Variants in PCDHGB1 observed in about 807,000 individuals in gnomAD.
The protein encoded by PCDHGB1 is protocadherin gamma subfamily B, 1.
PCDHGB1 carries 34 observed loss-of-function variants against 56.6 expected under a neutral mutation model. That is an observed-to-expected ratio of 0.60 (90% CI 0.46 to 0.80). The LOEUF is 0.80. Among genes scored for constraint, PCDHGB1 ranks in the 30% least tolerant of loss-of-function variants. The pLI is 0.00. For synonymous variants in PCDHGB1, 561 were observed against 505.9 expected (o/e 1.11, Z -1.46); for missense variants, 1,278 against 1,204.6 (o/e 1.06, Z -0.90).
intron 1 of PCDHGB1, among the ~76,000 whole-genome samples, chr5:141,380,531 AT>A (rs543704325): frequency 5.7e-4 from 87 of 152,348 alleles, no homozygotes; most frequent in African/African-American, 2.0e-3. Flanking sequence ...AATGATTTCA[AT>A]TTGATACAAT....
intron 1 of PCDHGB1, chr5:141,365,865 G>A (rs1444429243): frequency 1.9e-6 from 3 of 1,614,056 alleles, no homozygotes; most frequent in Non-Finnish European, 2.5e-6. Context: ...TCTGACACCG[G>A]TGTCCTGTAT....
intron 1 of PCDHGB1, chr5:141,408,100 G>A (rs1474827605): frequency 9.7e-6 from 14 of 1,438,178 alleles, no homozygotes; most frequent in African/African-American, 1.4e-5. Context: ...CCAGCTCCGA[G>A]ACCCGGGACT....
chr5:141,477,705 G>A lies in PCDHGB1; in HGVS notation c.2410-17102G>A, dbSNP rs1285254654. On this transcript the variant is annotated intron_variant, in intron 1 of 3. Coordinates refer to ENST00000523390, the MANE Select transcript of PCDHGB1 (RefSeq NM_018922.3). The surrounding 1 kb of genome is among the most constrained non-coding windows in gnomAD (Gnocchi z 4.9). ...TTAGTGCCCCTAGACTATGAGGATCGGCGGGAATTTGAATTAACAGCTCAT... is the reference window on the plus strand; with the variant it reads ...TTAGTGCCCCTAGACTATGAGGATCAGCGGGAATTTGAATTAACAGCTCAT... The A allele has an allele frequency of 6.2e-7, 1 of 1,614,008 alleles. No homozygotes were observed. Among genetic ancestry groups the A allele is most frequent in the Non-Finnish European group, 8.5e-7 (1 of 1,180,048 alleles).
intron 1 of PCDHGB1, chr5:141,365,836 C>T: frequency 6.2e-7 from 1 of 1,613,976 alleles, no homozygotes; most frequent in Non-Finnish European, 8.5e-7. Flanking sequence ...CGCCCTTGTC[C>T]TCCTATGTAT....
rs1210499024 is a variant in PCDHGB1 at position 141,431,784 on chromosome 5, A to T, written c.2410-63023A>T. ...CTGATCACTGTTCTGGACGTGAACG[A>T]CAATGCCCCAGAAGTGGTCCTCACC... On this transcript the variant is annotated intron_variant, in intron 1 of 3. Transcript: ENST00000523390. This position sits in a 1 kb window ranked among gnomAD's most constrained non-coding sequence, Gnocchi z 4.8. The T allele has an allele frequency of 6.2e-7, 1 of 1,614,102 alleles. No homozygotes were observed. The highest frequency in any genetic ancestry group is 8.5e-7 in the Non-Finnish European group (1 of 1,180,030).
In PCDHGB1 at chr5:141,490,601, T is replaced by C. The variant is rs777393370; in HGVS notation, c.2410-4206T>C. 1 of 1,614,176 alleles carries C rather than the reference T, an allele frequency of 6.2e-7. No homozygotes were observed. The highest frequency in any genetic ancestry group is 8.5e-7 in the Non-Finnish European group (1 of 1,180,030). ...GATGTCAATGACAATGCACCCCGCTTCAACCAGCAGCTTTACACTGCTTAC... is the reference window on the plus strand; with the variant it reads ...GATGTCAATGACAATGCACCCCGCTCCAACCAGCAGCTTTACACTGCTTAC... On this transcript the variant is annotated intron_variant, in intron 1 of 3. Transcript: ENST00000523390. This position sits in a 1 kb window ranked among gnomAD's most constrained non-coding sequence, Gnocchi z 5.4.
chr5:141,383,655 C>T, intron 1 of PCDHGB1: 1 of 1,613,986 alleles, frequency 6.2e-7, no homozygotes, highest in East Asian at 2.2e-5. Context: ...TAACTGTCCC[C>T]GAGAATGTGC....
Position 141,491,676 on chromosome 5 carries a change from T to C in PCDHGB1, c.2410-3131T>C. On this transcript the variant is annotated intron_variant, in intron 1 of 3. Coordinates refer to ENST00000523390, the MANE Select transcript of PCDHGB1 (RefSeq NM_018922.3). The surrounding 1 kb of genome is among the most constrained non-coding windows in gnomAD (Gnocchi z 6.9). ...AGCCTGACGCCATCCGGTCCCGCTC[T>C]AATACGCTGCGGGAGCGGAGCCAGG... 3.1e-6 allele frequency: 5 copies of C among 1,613,546 alleles called. No individual in the cohort carries two copies. Among genetic ancestry groups the C allele is most frequent in the Non-Finnish European group, 4.2e-6 (5 of 1,179,848 alleles).
intron 1 of PCDHGB1, chr5:141,393,806 CA>C (rs1489692597): frequency 6.2e-7 from 1 of 1,613,866 alleles, no homozygotes; most frequent in Non-Finnish European, 8.5e-7. Context: ...TGGGGAGGAC[CA>C]AATTGCTCAT....
chr5:141,394,150 A>C (rs781168813), intron 1 of PCDHGB1: 2 of 1,613,798 alleles, frequency 1.2e-6, no homozygotes, highest in East Asian at 4.5e-5. Context: ...GCAGACATTA[A>C]CGACAACCCT....
At chr5:141,402,953 A>G in intron 1 of PCDHGB1, 3 of 1,597,298 alleles carry the variant, frequency 1.9e-6, no homozygotes, top group Middle Eastern at 1.7e-4. Context: ...CGAGGCAGCA[A>G]TGGCAGCTCC....
At chr5:141,499,057 A>G (rs1361057448) in intron 2 of PCDHGB1, among the ~76,000 whole-genome samples, 1 of 152,036 alleles carries the variant, frequency 6.6e-6, no homozygotes, top group Non-Finnish European at 1.5e-5. Flanking sequence ...GAAAAAATGA[A>G]GAAGACTTAC....
rs759155262 is a variant in PCDHGB1 at position 141,352,181 on chromosome 5, G to T, written c.1921G>T (p.Ala641Ser). 6.2e-7 allele frequency: 1 copy of T among 1,613,744 alleles called. No individual in the cohort carries two copies. The highest frequency in any genetic ancestry group is 1.1e-5 in the South Asian group (1 of 91,076). The change falls in exon 1 of 4, where the codon GCT (alanine) becomes TCT (serine). Residue 641 changes from alanine to serine, a missense_variant. Physicochemically the swap from Ala to Ser is moderately conservative, Grantham distance 99 (BLOSUM62 1). Transcript: ENST00000523390. ...RDAARQRLLV[A>S]VRDGGQPPLS... is the part of the protein sequence containing the mutation. ...CGCGGCCCGCCAGCGCCTGCTGGTC[G>T]CTGTGCGTGATGGAGGACAGCCGCC...
chr5:141,416,722 A>G (rs891558095), intron 1 of PCDHGB1: 3 of 152,258 alleles, frequency 2.0e-5, no homozygotes, highest in Admixed American at 6.5e-5. Context: ...TGATGAGTTC[A>G]TTTAGTTCAA....
intron 1 of PCDHGB1, chr5:141,400,092 G>A (rs2093959231): frequency 6.2e-7 from 1 of 1,613,942 alleles, no homozygotes; most frequent in South Asian, 1.1e-5. Context: ...CCACCGCCAC[G>A]CTGCACTTGG....
chr5:141,399,056 A>G (rs945298198), intron 1 of PCDHGB1: 24 of 1,613,834 alleles, frequency 1.5e-5, no homozygotes, highest in African/African-American at 1.2e-4. Flanking sequence ...GAGACCAAGG[A>G]ATATTCAATG....
intron 1 of PCDHGB1, among the ~76,000 whole-genome samples, chr5:141,437,514 C>G (rs2097891371): frequency 6.6e-6 from 1 of 152,114 alleles, no homozygotes; most frequent in South Asian, 2.1e-4. Flanking sequence ...AATTATAAGG[C>G]TGATGACAAA....
chr5:141,494,546 G>A (rs984336435), intron 1 of PCDHGB1, among the ~76,000 whole-genome samples: 7 of 152,152 alleles, frequency 4.6e-5, no homozygotes, highest in African/African-American at 1.2e-4. Context: ...GGAGGAAGGG[G>A]CCATTTCTTT....
intron 1 of PCDHGB1, chr5:141,478,917 T>A: frequency 1.3e-6 from 1 of 772,666 alleles, no homozygotes; most frequent in Middle Eastern, 3.9e-4. Flanking sequence ...TGGATACCTC[T>A]AACCAGTGGC....
Sources: gnomAD v4.1 joint callset for allele counts (sites outside exome capture counted in the v4.1 genomes callset) on GRCh38, gnomAD v4.1.1 for gene constraint, Gnocchi (gnomAD v3.1) non-coding constraint, MANE v1.5 for transcripts, NCBI Gene and HGNC (gene_info 2026-07-23, HGNC 2026-07-21) for gene names.